Variants in RUNDC3B observed in about 807,000 individuals in gnomAD.
RUNDC3B encodes the protein RUN domain-containing protein 3B.
A neutral mutation model predicts 58.4 loss-of-function variants in RUNDC3B; 33 were observed. That is an observed-to-expected ratio of 0.56 (90% CI 0.43 to 0.75). The LOEUF is 0.75. RUNDC3B is among the 30% of genes least tolerant of loss of function. RUNDC3B has a pLI of 0.00. For missense variants in RUNDC3B, 501 were observed against 535.7 expected, an observed-to-expected ratio of 0.94 and a Z score of 0.64; for synonymous variants, 193 against 195.2, an observed-to-expected ratio of 0.99 and a Z score of 0.10.
chr7:87,769,453 T>G (rs1313836058), intron 6 of RUNDC3B, among the ~76,000 whole-genome samples: 1 of 152,130 alleles, frequency 6.6e-6, no homozygotes, highest in East Asian at 1.9e-4. Context: ...TTGGCAGGTT[T>G]GGTTGTTTTT....
intron 2 of RUNDC3B, among the ~76,000 whole-genome samples, chr7:87,697,704 C>G (rs1187869809): frequency 6.6e-6 from 1 of 152,184 alleles, no homozygotes; most frequent in South Asian, 2.1e-4. Flanking sequence ...GCACTAGACT[C>G]TTTGCTACTT....
chr7:87,664,798 A>T (rs1346078783), intron 2 of RUNDC3B, among the ~76,000 whole-genome samples: 2 of 152,178 alleles, frequency 1.3e-5, no homozygotes, highest in Non-Finnish European at 2.9e-5. Flanking sequence ...AGAGATTAAT[A>T]TAGAAAATAC....
chr7:87,755,627 TTATC>T (rs1260170990), intron 6 of RUNDC3B, among the ~76,000 whole-genome samples: 5 of 152,276 alleles, frequency 3.3e-5, no homozygotes, highest in South Asian at 2.1e-4. Flanking sequence ...AAACCAATGA[TTATC>T]TAAATAGACA....
At chr7:87,763,943 T>C (rs1373322976) in intron 6 of RUNDC3B, among the ~76,000 whole-genome samples, 3 of 151,792 alleles carry the variant, frequency 2.0e-5, no homozygotes, top group Non-Finnish European at 4.4e-5. Flanking sequence ...TCACAGAGGA[T>C]GAAATATATA....
chr7:87,779,548 T>A (rs1834821486), intron 8 of RUNDC3B, among the ~76,000 whole-genome samples: 1 of 152,180 alleles, frequency 6.6e-6, no homozygotes, highest in Admixed American at 6.5e-5. Context: ...TTAAGGTGTT[T>A]TTCTCTTCTG....
chr7:87,821,848 C>A (rs1837462180), intron 10 of RUNDC3B, among the ~76,000 whole-genome samples: 1 of 152,132 alleles, frequency 6.6e-6, no homozygotes, highest in Non-Finnish European at 1.5e-5. Flanking sequence ...ATGTAGAAAG[C>A]TGAAACTGGA....
At chr7:87,672,856 T>G (rs538725162) in intron 2 of RUNDC3B, among the ~76,000 whole-genome samples, 1 of 152,294 alleles carries the variant, frequency 6.6e-6, no homozygotes, top group South Asian at 2.1e-4. Flanking sequence ...TGTCTTGCTT[T>G]TCTTCATTCT....
intron 8 of RUNDC3B, among the ~76,000 whole-genome samples, chr7:87,792,116 G>A (rs1372822035): frequency 6.6e-6 from 1 of 151,978 alleles, no homozygotes; most frequent in East Asian, 1.9e-4. Flanking sequence ...TAAGAAGAGA[G>A]AAAGAAAGTC....
chr7:87,709,323 G>T, intron 3 of RUNDC3B: 1 of 985,104 alleles, frequency 1.0e-6, no homozygotes, highest in South Asian at 4.7e-5. Flanking sequence ...TCAAGACACC[G>T]CTACTAGTTT....
intron 2 of RUNDC3B, among the ~76,000 whole-genome samples, chr7:87,682,677 TG>T (rs535862290): frequency 6.6e-6 from 1 of 152,312 alleles, no homozygotes; most frequent in East Asian, 1.9e-4. Context: ...TAAGCCAAAC[TG>T]TAAACAGAGG....
chr7:87,737,964 G>T (rs1309878471), intron 4 of RUNDC3B, among the ~76,000 whole-genome samples: 2 of 151,982 alleles, frequency 1.3e-5, no homozygotes, highest in Admixed American at 6.6e-5. Flanking sequence ...TTTTGCCGTG[G>T]TGTTCTTCAA....
chr7:87,681,953 C>T (rs770756050), intron 2 of RUNDC3B, among the ~76,000 whole-genome samples: 2 of 152,206 alleles, frequency 1.3e-5, no homozygotes, highest in Non-Finnish European at 2.9e-5. Context: ...CACAGTAGAA[C>T]TTCTTTCAAA....
chr7:87,819,450 A>C (rs1837280357), intron 10 of RUNDC3B, among the ~76,000 whole-genome samples: 1 of 152,136 alleles, frequency 6.6e-6, no homozygotes, highest in Non-Finnish European at 1.5e-5. Context: ...AGACTTTAAC[A>C]CCCCACTATC....
chr7:87,756,066 C>CAGGAT (rs1305176175), intron 6 of RUNDC3B, among the ~76,000 whole-genome samples: 1 of 151,984 alleles, frequency 6.6e-6, no homozygotes, highest in Admixed American at 6.6e-5. Flanking sequence ...CAGGGCAGGG[C>CAGGAT]AGGATTATAA....
At chr7:87,720,894 T>G (rs1830843914) in intron 4 of RUNDC3B, among the ~76,000 whole-genome samples, 1 of 1,618 alleles carries the variant, frequency 6.2e-4, no homozygotes, top group East Asian at 0.018. Context: ...GCCCTCGTGT[T>G]TGGACATTTA....
At chr7:87,668,088 G>C (rs760196545) in intron 2 of RUNDC3B, among the ~76,000 whole-genome samples, 1 of 151,120 alleles carries the variant, frequency 6.6e-6, no homozygotes, top group African/African-American at 2.4e-5. Flanking sequence ...ATGTCTGGTA[G>C]AATTCAGTTA....
chr7:87,640,271 T>C (rs1451212291), intron 1 of RUNDC3B, among the ~76,000 whole-genome samples: 1 of 151,584 alleles, frequency 6.6e-6, no homozygotes, highest in Non-Finnish European at 1.5e-5. Flanking sequence ...AATACACATT[T>C]ATATTTATCC....
In RUNDC3B at chr7:87,684,746, C is replaced by CAAAAAA. The variant is rs71524694; in HGVS notation, c.239-15653_239-15648dup. Among the ~76,000 whole-genome samples the CAAAAAA allele has an allele frequency of 1.0e-3, 39 of 37,790 alleles. 1 individual carries two copies. Among genetic ancestry groups the CAAAAAA allele is most frequent in the East Asian group, 1.7e-3 (2 of 1,186 alleles). The allele number at this position is 37,790 out of a possible 152,430, so 24.8% of individuals were successfully genotyped here. A position where few individuals can be genotyped will look rare whatever the true frequency, so the allele number is the denominator to read the frequency against. On this transcript the variant is annotated intron_variant, in intron 2 of 10. Coordinates refer to ENST00000394654, the MANE Select transcript of RUNDC3B (RefSeq NM_001134405.2). ...CTGGTGACAGAGTGAGACTCCGTCT[C>CAAAAAA]AAAAAAAAAAAAAAAAAAAAAAAAA...
At chr7:87,707,630 C>T (rs1288294308) in intron 3 of RUNDC3B, among the ~76,000 whole-genome samples, 1 of 151,806 alleles carries the variant, frequency 6.6e-6, no homozygotes, top group African/African-American at 2.4e-5. Context: ...GCTTAGATCG[C>T]ACCACTGCAC....
Sources: gnomAD v4.1 joint callset for allele counts (sites outside exome capture counted in the v4.1 genomes callset) on GRCh38, gnomAD v4.1.1 for gene constraint, MANE v1.5 for transcripts, NCBI Gene and HGNC (gene_info 2026-07-23, HGNC 2026-07-21) for gene names.